ZNF839: variants seen among roughly 807,000 people sequenced by gnomAD.
ZNF839 encodes zinc finger protein 839, also known as renal carcinoma antigen NY-REN-50.
A neutral mutation model predicts 56.4 loss-of-function variants in ZNF839; 38 were observed. The observed-to-expected ratio is 0.67, with a 90% confidence interval of 0.52 to 0.88. The LOEUF is 0.88. Among genes scored for constraint, ZNF839 ranks in the 40% least tolerant of loss-of-function variants. The pLI is 0.00. For missense variants in ZNF839, 1,091 were observed against 1,177.6 expected (o/e 0.93, Z 1.08); for synonymous variants, 486 against 493.5 (o/e 0.98, Z 0.20).
At position 102,319,808 on chromosome 14, in the gene ZNF839, G is replaced by T; in HGVS notation, c.43G>T (p.Gly15Cys). The stretch of plus-strand genomic sequence containing the variant: ...GGAGGCTGGGGGCGGCAGCGAGGAT[G>T]GCGGCGGCGGCGGCGGCCCGGCTCC... The part of the protein sequence containing the change: ...EPEAGGGSED[G>C]GGGGGPAPPG... The change falls in exon 1 of 8, where the codon GGC (glycine) becomes TGC (cysteine). Residue 15 changes from glycine (G) to cysteine (C), a missense_variant. By Grantham distance (159) the Gly-to-Cys change is radical (BLOSUM62 -3). Transcript: ENST00000442396. This position sits in a 1 kb window ranked among gnomAD's most constrained non-coding sequence, Gnocchi z 4.5. The T allele has an allele frequency of 8.2e-7, 1 of 1,225,292 alleles. No homozygotes were observed. The highest frequency in any genetic ancestry group is 1.0e-6 in the Non-Finnish European group (1 of 983,572). 75.9% of individuals were successfully genotyped at this position (1,225,292 alleles called of 1,614,324 possible). A position where few individuals can be genotyped will look rare whatever the true frequency, so the allele number is the denominator to read the frequency against.
chr14:102,327,226 C>T (rs1416918510), intron 2 of ZNF839, among the ~76,000 whole-genome samples: 9 of 152,076 alleles, frequency 5.9e-5, no homozygotes, highest in African/African-American at 1.7e-4. Context: ...CTGCAACCTC[C>T]GCCTCCCCAG....
Position 102,342,129 on chromosome 14 carries a change from A to C in ZNF839, c.2734A>C (p.Ile912Leu), listed in dbSNP as rs1555445222. ...TACAATAGTGTCTCAGGAGGAGGAC[A>C]TTGTCACAGTGACTGATGCAGAGGG... ...PGTIVSQEED[I>L]VTVTDAEGRA... The change falls in exon 8 of 8, where the codon ATT (isoleucine) becomes CTT (leucine). Residue 912 changes from isoleucine (I) to leucine (L), a missense_variant. Transcript: ENST00000442396. 1.2e-6 allele frequency: 2 copies of C among 1,613,794 alleles called. No individual in the cohort carries two copies. Among genetic ancestry groups the C allele is most frequent in the East Asian group, 4.5e-5 (2 of 44,874 alleles).
At chr14:102,336,877 C>T (rs1029478314) in intron 5 of ZNF839, 5 of 199,860 alleles carry the variant, frequency 2.5e-5, no homozygotes, top group Admixed American at 1.3e-4. Flanking sequence ...GGGACTACCG[C>T]CGTGTGTCAC....
intron 2 of ZNF839, among the ~76,000 whole-genome samples, chr14:102,328,678 TTCTG>T (rs1334394390): frequency 2.0e-5 from 3 of 151,924 alleles, no homozygotes; most frequent in Non-Finnish European, 4.4e-5. Context: ...ACCTTCGACT[TTCTG>T]TCTTCTATGA....
chr14:102,337,428 C>T (rs112047802), intron 5 of ZNF839: 8,339 of 152,214 alleles, frequency 0.055, 236 homozygotes, highest in Middle Eastern at 0.089. Context: ...CTCAGCCTTC[C>T]GAAGTGCTGG....
chr14:102,338,539 GAA>G (rs954011615), intron 5 of ZNF839, among the ~76,000 whole-genome samples: 1 of 32,074 alleles, frequency 3.1e-5, no homozygotes, highest in African/African-American at 1.1e-4. Context: ...CTCTGTCTCA[GAA>G]AAAAAAAAAA....
intron 1 of ZNF839, among the ~76,000 whole-genome samples, chr14:102,323,441 C>G (rs551694900): frequency 1.3e-5 from 2 of 152,334 alleles, no homozygotes; most frequent in East Asian, 3.9e-4. Context: ...CCGTCCTTCT[C>G]CCCTAAGCTG....
rs754312812 is a variant in ZNF839 at position 102,339,098 on chromosome 14, C to T, written c.1802C>T (p.Ala601Val). ...ASSEKREREA[A>V]EEGLASVKRP... ...GATTGGGTCTTCTCTTCACAGGCTG[C>T]GGAGGAGGGACTGGCCTCAGTGAAA... Residue 601 changes from alanine (A) to valine (V), a missense_variant, in exon 7 of 8, where the codon GCG becomes GTG. Coordinates refer to ENST00000442396, the MANE Select transcript of ZNF839 (RefSeq NM_018335.6). 1.1e-5 allele frequency: 17 copies of T among 1,613,642 alleles called. No individual in the cohort carries two copies. In the East Asian group the frequency reaches 2.7e-4, roughly 25 times the overall value.
chr14:102,341,301 A>G, intron 7 of ZNF839, 22 bp from the exon 8 acceptor site: 7 of 1,514,602 alleles, frequency 4.6e-6, no homozygotes, highest in Non-Finnish European at 6.2e-6. Flanking sequence ...CGCCATGTTC[A>G]CCTGTTTCCC....
chr14:102,320,176 G>A (rs1206137000), intron 1 of ZNF839, 123 bp downstream of exon 1: 1 of 1,044,340 alleles, frequency 9.6e-7, no homozygotes, highest in African/African-American at 1.7e-5. Flanking sequence ...GCGTCCCCAG[G>A]CTGAGCTTCT....
At position 102,341,308 on chromosome 14, in the gene ZNF839, T is replaced by C; in HGVS notation, c.1928-15T>C. The stretch of plus-strand genomic sequence containing the variant: ...ACAGTACACGCCATGTTCACCTGTT[T>C]CCCAAAATGTTTAGGTTTTTCCCCT... On this transcript the variant is annotated splice_polypyrimidine_tract_variant and intron_variant, in intron 7 of 7. Coordinates refer to ENST00000442396, the MANE Select transcript of ZNF839 (RefSeq NM_018335.6). The C allele has an allele frequency of 1.3e-6, 2 of 1,514,700 alleles. No homozygotes were observed. Among genetic ancestry groups the C allele is most frequent in the East Asian group, 2.3e-5 (1 of 43,922 alleles). The allele number at this position is 1,514,700 out of a possible 1,614,324, so 93.8% of individuals were successfully genotyped here. A position where few individuals can be genotyped will look rare whatever the true frequency, so the allele number is the denominator to read the frequency against.
chr14:102,341,359 G>A lies in ZNF839; in HGVS notation c.1964G>A (p.Arg655His), dbSNP rs777679065. 25 of 1,530,054 alleles carry A rather than the reference G, an allele frequency of 1.6e-5. No homozygotes were observed. Among genetic ancestry groups the A allele is most frequent in the Middle Eastern group, 3.5e-4 (2 of 5,650 alleles). The allele number at this position is 1,530,054 out of a possible 1,614,324, so 94.8% of individuals were successfully genotyped here. A position where few individuals can be genotyped will look rare whatever the true frequency, so the allele number is the denominator to read the frequency against. ...SPPVNVTVSP[R>H]SEESHTTTVS... ...CCAGTAAATGTGACTGTCTCTCCCC[G>A]TTCTGAAGAAAGCCATACAACGACG... The change falls in exon 8 of 8, where the codon CGT becomes CAT. Residue 655 changes from arginine to histidine, a missense_variant. Coordinates refer to ENST00000442396, the MANE Select transcript of ZNF839 (RefSeq NM_018335.6).
intron 2 of ZNF839, among the ~76,000 whole-genome samples, chr14:102,328,375 AATATATAT>A (rs71116898): frequency 0.015 from 249 of 16,308 alleles, 9 homozygotes; most frequent in South Asian, 0.028. Context: ...AAAAAAAAAA[AATATATAT>A]ATATATATAT....
intron 2 of ZNF839, 146 bp downstream of exon 2, chr14:102,327,033 G>C: frequency 9.6e-7 from 1 of 1,037,356 alleles, no homozygotes; most frequent in East Asian, 2.7e-5. Context: ...GCTGGCATCT[G>C]TTTAGCTTCT....
chr14:102,339,427 G>A (rs17095214), intron 7 of ZNF839, among the ~76,000 whole-genome samples: 1 of 152,040 alleles, frequency 6.6e-6, no homozygotes, highest in Non-Finnish European at 1.5e-5. Context: ...GGTCTTCAGG[G>A]TTTTCTAGAG....
chr14:102,326,100 G>A lies in ZNF839; in HGVS notation c.404G>A (p.Arg135Gln), dbSNP rs1032175388. The change falls in exon 2 of 8, where the codon CGG becomes CAG. Residue 135 changes from arginine to glutamine, a missense_variant. Arg to Gln is a conservative substitution (Grantham distance 43, BLOSUM62 1). Coordinates refer to ENST00000442396, the MANE Select transcript of ZNF839 (RefSeq NM_018335.6). This position sits in a 1 kb window ranked among gnomAD's most constrained non-coding sequence, Gnocchi z 4.3. Reference sequence around the variant, plus strand: ...ACTGCAAGAAAGAGCCAGCTGCCCCGGGGGAATTCCTGCCTGGTGGGGCTC... The same window carrying A: ...ACTGCAAGAAAGAGCCAGCTGCCCCAGGGGAATTCCTGCCTGGTGGGGCTC... ...PQTARKSQLP[R>Q]GNSCLVGLHI... 13 of 1,613,736 alleles carry A rather than the reference G, an allele frequency of 8.1e-6. No individual in the cohort carries two copies. Among genetic ancestry groups the A allele is most frequent in the East Asian group, 6.7e-5 (3 of 44,894 alleles).
At position 102,331,539 on chromosome 14, in the gene ZNF839, G is replaced by A. The variant is rs1020788928; in HGVS notation, c.1192-83G>A. 24 of 1,251,074 alleles carry A rather than the reference G, an allele frequency of 1.9e-5. No homozygotes were observed. The South Asian group carries it at 2.2e-4, about 11-fold the overall frequency. 77.5% of individuals were successfully genotyped at this position (1,251,074 alleles called of 1,614,324 possible). On this transcript the variant is annotated intron_variant, in intron 2 of 7. Coordinates refer to ENST00000442396, the MANE Select transcript of ZNF839 (RefSeq NM_018335.6). Reference sequence around the variant, plus strand: ...TGCTGGGATTTCAGGTGTGAGCCACGGCGCCCGGCCACTAAAAGGTTTTTA... The same window carrying A: ...TGCTGGGATTTCAGGTGTGAGCCACAGCGCCCGGCCACTAAAAGGTTTTTA...
At chr14:102,337,334 A>C (rs1394692885) in intron 5 of ZNF839, 1 of 151,742 alleles carries the variant, frequency 6.6e-6, no homozygotes, top group African/African-American at 2.4e-5. Flanking sequence ...ATGCCCAGCT[A>C]ATTTTTGTAT....
chr14:102,336,790 G>A (rs552154620), intron 5 of ZNF839: 15 of 291,078 alleles, frequency 5.2e-5, no homozygotes, highest in African/African-American at 3.2e-4. Flanking sequence ...CTGGAGTGCA[G>A]TGGCACAATC....
Sources: allele counts gnomAD v4.1 joint callset (sites outside exome capture counted in the v4.1 genomes callset), GRCh38; gene constraint gnomAD v4.1.1; non-coding constraint Gnocchi (gnomAD v3.1); transcripts MANE v1.5; gene names NCBI Gene and HGNC (gene_info 2026-07-23, HGNC 2026-07-21).